Variants in KMT2E observed in about 807,000 individuals in gnomAD.
The protein encoded by KMT2E is lysine methyltransferase 2E (inactive).
Under a neutral mutation model 184.6 loss-of-function variants are expected in KMT2E, and 30 were observed. The observed-to-expected ratio is 0.16, with a 90% CI of 0.12 to 0.22. KMT2E has a LOEUF of 0.22. Ranked by LOEUF, KMT2E falls within the 10% of genes least tolerant of loss-of-function variation. KMT2E has a pLI of 1.00. For missense variants in KMT2E, 2,023 were observed against 2,237.4 expected, an observed-to-expected ratio of 0.90 and a Z score of 1.93; for synonymous variants, 815 against 776.5, an observed-to-expected ratio of 1.05 and a Z score of -0.82.
chr7:105,063,714 C>A (rs1201714128), intron 5 of KMT2E, 134 bp downstream of exon 5: 4 of 628,212 alleles, frequency 6.4e-6, no homozygotes, highest in Non-Finnish European at 8.0e-6. Flanking sequence ...ACTATTGATG[C>A]AGTCCTAGAA....
chr7:105,091,606 C>T (rs1472327925), intron 15 of KMT2E: 4 of 499,792 alleles, frequency 8.0e-6, no homozygotes, highest in Non-Finnish European at 1.4e-5. Context: ...TTTAATGCCA[C>T]AATTACTGTT....
chr7:105,105,786 G>A (rs550658525), intron 18 of KMT2E, 73 bp from the exon 19 acceptor site: 17 of 1,560,724 alleles, frequency 1.1e-5, no homozygotes, highest in African/African-American at 5.5e-5. Flanking sequence ...TTTTGGAATC[G>A]GCTCTGTATT....
intron 13 of KMT2E, among the ~76,000 whole-genome samples, chr7:105,085,688 A>T (rs1027101605): frequency 1.0e-4 from 15 of 147,640 alleles, no homozygotes; most frequent in African/African-American, 3.7e-4. Flanking sequence ...CTTTAATTTG[A>T]TTTTTTTTTT....
intron 1 of KMT2E, among the ~76,000 whole-genome samples, chr7:105,037,764 A>AT (rs796266026): frequency 8.9e-4 from 134 of 149,796 alleles, no homozygotes; most frequent in African/African-American, 3.1e-3. Context: ...CTTTTACTTC[A>AT]TTTTTCCTAC....
Position 105,112,741 on chromosome 7 carries a change from T to C in KMT2E, c.4985T>C (p.Val1662Ala), listed in dbSNP as rs144315355. Residue 1662 changes from valine (V) to alanine (A), a missense_variant, in exon 27 of 27, where the codon GTC becomes GCC. Coordinates refer to ENST00000311117, the MANE Select transcript of KMT2E (RefSeq NM_182931.3). ...VAHVVGPVHA[V>A]TPGSHIHSQT... is the part of the protein sequence containing the mutation. ...CATGTAGTAGGGCCTGTTCATGCGG[T>C]CACCCCTGGGTCGCATATTCATTCT... 7.8e-4 allele frequency: 1,254 copies of C among 1,613,462 alleles called. 5 individuals are homozygous for C. The highest frequency in any genetic ancestry group is 4.6e-3 in the Admixed American group (278 of 59,950).
intron 16 of KMT2E, 62 bp from the exon 17 acceptor site, chr7:105,101,821 CTAT>C (rs1798668220): frequency 1.6e-6 from 2 of 1,254,568 alleles, no homozygotes; most frequent in Non-Finnish European, 2.2e-6. Flanking sequence ...TAGAATAATG[CTAT>C]TATATTTAAA....
intron 3 of KMT2E, among the ~76,000 whole-genome samples, chr7:105,052,414 A>G (rs1796387313): frequency 6.6e-6 from 1 of 152,182 alleles, no homozygotes; most frequent in Admixed American, 6.5e-5. Flanking sequence ...TATTTTTACT[A>G]AAACATAAGC....
At chr7:105,067,449 T>G (rs931479800) in intron 6 of KMT2E, among the ~76,000 whole-genome samples, 108 of 152,260 alleles carry the variant, frequency 7.1e-4, no homozygotes, top group African/African-American at 2.4e-3. Context: ...CATTTCAAAC[T>G]TACGTAAAAA....
In KMT2E at chr7:105,047,819, CT is replaced by C. The variant is rs534897146; in HGVS notation, c.71+6798del. Among the ~76,000 whole-genome samples, 76 of 152,230 alleles carry C rather than the reference CT, an allele frequency of 5.0e-4. No individual in the cohort carries two copies. In the Middle Eastern group the frequency reaches 0.014, roughly 27 times the overall value. On this transcript the variant is annotated intron_variant, in intron 3 of 26. Coordinates refer to ENST00000311117, the MANE Select transcript of KMT2E (RefSeq NM_182931.3). ...TATGACTACCTGTGCTTTTCAAATA[CT>C]TCTGCAAAAACAAAATATATAAAAC... is the stretch of plus-strand genomic sequence containing the variant.
chr7:105,065,170 T>A (rs1796978885), intron 5 of KMT2E, among the ~76,000 whole-genome samples: 1 of 152,224 alleles, frequency 6.6e-6, no homozygotes, highest in Admixed American at 6.5e-5. Flanking sequence ...GGCTCTATTC[T>A]AACTTTACGT....
intron 5 of KMT2E, chr7:105,064,085 G>A: frequency 2.3e-6 from 1 of 425,576 alleles, no homozygotes; most frequent in Non-Finnish European, 4.7e-6. Context: ...CCCTGGTTCA[G>A]CCACCAAGAA....
chr7:105,075,901 A>C (rs1224536363), intron 8 of KMT2E, 142 bp from the exon 9 acceptor site: 1 of 647,406 alleles, frequency 1.5e-6, no homozygotes, highest in Non-Finnish European at 2.7e-6. Context: ...TTTATTAAAC[A>C]TTCTCCTAGT....
Position 105,076,049 on chromosome 7 carries a change from C to T in KMT2E, c.736C>T (p.Arg246Cys), listed in dbSNP as rs777952395. The part of the protein sequence containing the change: ...QHISKCKKAF[R>C]EGSRKSSRVK... ...AATTCCATGTTTATTTTAGGCATTT[C>T]GTGAAGGATCTAGGAAGTCATCAAG... The change falls in exon 9 of 27, where the codon CGT (arginine) becomes TGT (cysteine). Residue 246 changes from arginine (R) to cysteine (C), a missense_variant. By Grantham distance (180) the Arg-to-Cys change is radical. Around this residue, in one of 8 missense-constraint regions of KMT2E, gnomAD observed 191 missense variants for 209.0 expected, o/e 0.91. Transcript: ENST00000311117. 2.5e-6 allele frequency: 4 copies of T among 1,596,910 alleles called. No individual in the cohort carries two copies. The highest frequency in any genetic ancestry group is 4.5e-5 in the East Asian group (2 of 44,658).
At chr7:105,062,386 C>G (rs1367146683) in intron 4 of KMT2E, 108 bp downstream of exon 4, 1 of 612,028 alleles carries the variant, frequency 1.6e-6, no homozygotes, top group African/African-American at 1.9e-5. Flanking sequence ...ATGGTTGTTT[C>G]ATACTATCAA....
In KMT2E at chr7:105,110,378, C is replaced by CTTGT. The variant is rs1799163364; in HGVS notation, c.3844+12_3844+15dup. Reference sequence around the variant, plus strand: ...AAAGATAAAGATAGTGGTAAGTGAGCTTGTTCCTTCACCAGAAAGTGGAAT... The same window carrying CTTGT: ...AAAGATAAAGATAGTGGTAAGTGAGCTTGTTTGTTCCTTCACCAGAAAGTGGAAT... On this transcript the variant is annotated intron_variant, in intron 24 of 26. Transcript: ENST00000311117. 1 of 1,613,830 alleles carries CTTGT rather than the reference C, an allele frequency of 6.2e-7. No individual in the cohort carries two copies. Among genetic ancestry groups the CTTGT allele is most frequent in the East Asian group, 2.2e-5 (1 of 44,880 alleles).
rs779099178 is a variant in KMT2E, at chr7:105,062,208, A to G, written c.116A>G (p.Asn39Ser). Residue 39 changes from asparagine (N) to serine (S), a missense_variant, in exon 4 of 27, where the codon AAC becomes AGC. This residue lies in a region of KMT2E where 63 missense variants were observed against 68.9 expected (regional missense o/e 0.91). Coordinates refer to ENST00000311117, the MANE Select transcript of KMT2E (RefSeq NM_182931.3). ...AGCCCTGTGGTAGTTGAGAAATCCA[A>G]CAGTTATCCCCACCAGTTATATACC... ...EASPVVVEKS[N>S]SYPHQLYTSS... 1.1e-5 allele frequency: 18 copies of G among 1,613,692 alleles called. No individual in the cohort carries two copies. Among genetic ancestry groups the G allele is most frequent in the South Asian group, 3.3e-5 (3 of 91,056 alleles).
intron 1 of KMT2E, among the ~76,000 whole-genome samples, chr7:105,014,930 G>C (rs937708101): frequency 7.9e-5 from 12 of 152,106 alleles, no homozygotes; most frequent in Admixed American, 7.2e-4. Context: ...TTTCTCAACC[G>C]CGTCTTGTTC....
intron 9 of KMT2E, among the ~76,000 whole-genome samples, chr7:105,076,694 C>T (rs1481224927): frequency 6.6e-6 from 1 of 152,048 alleles, no homozygotes. Context: ...AGTTTTCTGG[C>T]TTAGGTAGAA....
At chr7:105,024,852 T>C (rs1036872200) in intron 1 of KMT2E, among the ~76,000 whole-genome samples, 12 of 152,182 alleles carry the variant, frequency 7.9e-5, no homozygotes, top group African/African-American at 2.7e-4. Flanking sequence ...CTGGTCTTTG[T>C]ACAGTGTCAA....
Sources: gnomAD v4.1 joint callset for allele counts (sites outside exome capture counted in the v4.1 genomes callset) on GRCh38, gnomAD v4.1.1 for gene constraint, gnomAD v4.1.1 regional missense constraint, MANE v1.5 for transcripts, NCBI Gene and HGNC (gene_info 2026-07-23, HGNC 2026-07-21) for gene names.